Variants in AXIN1 observed in about 807,000 individuals in gnomAD.
The protein encoded by AXIN1 is axin 1.
Under a neutral mutation model 76.4 loss-of-function variants are expected in AXIN1, and 30 were observed. The ratio of observed to expected loss-of-function variants is 0.39; its 90% CI spans 0.29 to 0.53. The LOEUF (loss-of-function observed/expected upper bound fraction) is 0.53, where lower values mean the gene tolerates loss of function less well. AXIN1 is among the 20% of genes least tolerant of loss of function. The probability of loss-of-function intolerance (pLI) is 0.66; values close to 1 mark genes in which losing one functional copy is unlikely to be tolerated. For missense variants in AXIN1, 1,140 were observed against 1,198.8 expected (o/e 0.95, Z 0.72); for synonymous variants, 545 against 501.4 (o/e 1.09, Z -1.16).
At chr16:335,260 G>A (rs1034958841) in intron 2 of AXIN1, among the ~76,000 whole-genome samples, 1 of 152,168 alleles carries the variant, frequency 6.6e-6, no homozygotes, top group African/African-American at 2.4e-5. Context: ...CACTGCATGA[G>A]GGGCCCTCAC....
intron 2 of AXIN1, among the ~76,000 whole-genome samples, chr16:329,076 G>C (rs952921121): frequency 2.6e-5 from 4 of 152,018 alleles, no homozygotes; most frequent in African/African-American, 9.7e-5. Flanking sequence ...TCAGGAGTTC[G>C]AGACCAGCCT....
intron 5 of AXIN1, among the ~76,000 whole-genome samples, 167 bp from the exon 6 acceptor site, chr16:298,418 G>A (rs538666239): frequency 4.6e-5 from 7 of 152,382 alleles, no homozygotes; most frequent in South Asian, 2.1e-4. Context: ...GAGGCAGGAC[G>A]GGGCATAGAC....
At chr16:290,888 G>A (rs1346940284) in intron 9 of AXIN1, 2 of 489,330 alleles carry the variant, frequency 4.1e-6, no homozygotes, top group African/African-American at 3.9e-5. Flanking sequence ...GCAGGTCTCT[G>A]CCCCACAGGA....
Position 326,372 on chromosome 16 carries a change from A to AT in AXIN1, c.879-11690_879-11689insA, listed in dbSNP as rs1555483772. Among the ~76,000 whole-genome samples, 546 of 86,326 alleles carry AT rather than the reference A, an allele frequency of 6.3e-3. 2 individuals carry two copies. Among genetic ancestry groups the AT allele is most frequent in the East Asian group, 0.025 (70 of 2,780 alleles). The allele number at this position is 86,326 out of a possible 152,430, so 56.6% of individuals were successfully genotyped here. A position where few individuals can be genotyped will look rare whatever the true frequency, so the allele number is the denominator to read the frequency against. On this transcript the variant is annotated intron_variant, in intron 2 of 10. Transcript: ENST00000262320. ...TCCGTCTCAAAAAAAAAAAAAAAAA[A>AT]ATATATATATATATATATATATACA...
intron 2 of AXIN1, among the ~76,000 whole-genome samples, chr16:329,651 T>C (rs2053653397): frequency 6.6e-6 from 1 of 151,984 alleles, no homozygotes; most frequent in East Asian, 1.9e-4. Flanking sequence ...AGTCTCGCTA[T>C]GTCGCCCAGG....
intron 2 of AXIN1, among the ~76,000 whole-genome samples, chr16:334,962 T>A (rs1281875299): frequency 6.6e-6 from 1 of 152,166 alleles, no homozygotes; most frequent in Non-Finnish European, 1.5e-5. Context: ...AGATATTTAA[T>A]TTTTTTCTGC....
chr16:311,888 A>C (rs2053190436), intron 3 of AXIN1, among the ~76,000 whole-genome samples: 1 of 152,142 alleles, frequency 6.6e-6, no homozygotes, highest in South Asian at 2.1e-4. Flanking sequence ...GACTGAAGAG[A>C]GCGCCCGACC....
intron 4 of AXIN1, among the ~76,000 whole-genome samples, chr16:308,386 G>C (rs973961912): frequency 6.6e-6 from 1 of 152,232 alleles, no homozygotes; most frequent in Admixed American, 6.5e-5. Flanking sequence ...GAGGTTGTCT[G>C]CCTGATGCCC....
In AXIN1 at chr16:352,377, G is replaced by A; in HGVS notation, c.-90C>T. 5 of 979,170 alleles carry A rather than the reference G, an allele frequency of 5.1e-6. No homozygotes were observed. The highest frequency in any genetic ancestry group is 6.0e-6 in the Non-Finnish European group (5 of 827,500). The allele number at this position is 979,170 out of a possible 1,614,324, so 60.7% of individuals were successfully genotyped here. On this transcript the variant is annotated 5_prime_UTR_variant, in exon 1 of 11. Transcript: ENST00000262320. The stretch of plus-strand genomic sequence containing the variant: ...AGCCCGGCCCTACTCACCCGCGCGC[G>A]GTGGTGGCGGGACCCCGGGCCCGGC...
At chr16:317,194 C>G (rs973065322) in intron 2 of AXIN1, among the ~76,000 whole-genome samples, 1 of 152,188 alleles carries the variant, frequency 6.6e-6, no homozygotes, top group Non-Finnish European at 1.5e-5. Context: ...AGCCCAGCAC[C>G]TTGGACTCTG....
At chr16:311,648 G>A (rs1181184925) in intron 3 of AXIN1, among the ~76,000 whole-genome samples, 1 of 152,096 alleles carries the variant, frequency 6.6e-6, no homozygotes, top group African/African-American at 2.4e-5. Context: ...GCGAGTGCCT[G>A]TAGTCCCAGC....
In AXIN1 at chr16:293,412, C is replaced by T; in HGVS notation, c.2186+76G>A. On this transcript the variant is annotated intron_variant, in intron 8 of 10. Coordinates refer to ENST00000262320, the MANE Select transcript of AXIN1 (RefSeq NM_003502.4). This position sits in a 1 kb window ranked among gnomAD's most constrained non-coding sequence, Gnocchi z 4.6. ...CCGTTTTTCCCCTGAAGACCTCAGG[C>T]CTCGGGGAGCTTCAGCCCCAGGAGT... 1.4e-6 allele frequency: 2 copies of T among 1,460,892 alleles called. No individual in the cohort carries two copies. The highest frequency in any genetic ancestry group is 1.9e-6 in the Non-Finnish European group (2 of 1,063,562). 90.5% of individuals were successfully genotyped at this position (1,460,892 alleles called of 1,614,324 possible).
In AXIN1 at chr16:298,387, G is replaced by C. The variant is rs902448459; in HGVS notation, c.1255-136C>G. 10 of 1,079,820 alleles carry C rather than the reference G, an allele frequency of 9.3e-6. No individual in the cohort carries two copies. The Admixed American group carries it at 1.8e-4, about 19-fold the overall frequency. The allele number at this position is 1,079,820 out of a possible 1,614,324, so 66.9% of individuals were successfully genotyped here. A position where few individuals can be genotyped will look rare whatever the true frequency, so the allele number is the denominator to read the frequency against. ...GGGTGGCCGGGGGCCCCTCGCCACCGGTCCTGTCCCTGAGGATGGAGAGGC... is the reference window on the plus strand; with the variant it reads ...GGGTGGCCGGGGGCCCCTCGCCACCCGTCCTGTCCCTGAGGATGGAGAGGC... On this transcript the variant is annotated intron_variant, in intron 5 of 10. Transcript: ENST00000262320.
intron 2 of AXIN1, among the ~76,000 whole-genome samples, chr16:315,390 T>C (rs1437647540): frequency 6.6e-6 from 1 of 152,214 alleles, no homozygotes; most frequent in East Asian, 1.9e-4. Context: ...GGATTATGAG[T>C]TTCTTGGTGA....
intron 1 of AXIN1, among the ~76,000 whole-genome samples, chr16:349,509 C>A (rs756992550): frequency 3.9e-5 from 6 of 152,122 alleles, no homozygotes; most frequent in African/African-American, 1.4e-4. Context: ...ACCAAGTCAC[C>A]GGAGAGTGGA....
At chr16:340,021 C>T (rs1597109899) in intron 2 of AXIN1, among the ~76,000 whole-genome samples, 3 of 152,080 alleles carry the variant, frequency 2.0e-5, no homozygotes, top group East Asian at 3.8e-4. Flanking sequence ...ACATTTTGGG[C>T]CCTTTCTTTT....
rs1567254724 is a variant in AXIN1 at position 288,177 on chromosome 16, G to C, written c.2534C>G (p.Ala845Gly). ...VVFEEVREDE[A>G]VLPVFEEKII... is the part of the protein sequence containing the mutation. ...CTTCTCCTCAAAGACGGGCAGGACG[G>C]CCTCGTCCTCTCGAACCTCCTCAAA... The change falls in exon 11 of 11, where the codon GCC (alanine) becomes GGC (glycine). Residue 845 changes from alanine (A) to glycine (G), a missense_variant. By Grantham distance (60) the Ala-to-Gly change is moderately conservative. Coordinates refer to ENST00000262320, the MANE Select transcript of AXIN1 (RefSeq NM_003502.4). 6.2e-7 allele frequency: 1 copy of C among 1,613,710 alleles called. No individual in the cohort carries two copies. The highest frequency in any genetic ancestry group is 1.1e-5 in the South Asian group (1 of 91,088).
chr16:305,766 A>C (rs1055513732), intron 4 of AXIN1, among the ~76,000 whole-genome samples: 28 of 151,906 alleles, frequency 1.8e-4, no homozygotes, highest in Non-Finnish European at 3.1e-4. Context: ...GGATGGTCTC[A>C]ATCTCCTGAC....
At chr16:344,996 A>C (rs2054005402) in intron 2 of AXIN1, among the ~76,000 whole-genome samples, 1 of 152,210 alleles carries the variant, frequency 6.6e-6, no homozygotes, top group Non-Finnish European at 1.5e-5. Context: ...CATGAATTCC[A>C]GGCTTTCAAA....
Sources: gnomAD v4.1 joint callset for allele counts (sites outside exome capture counted in the v4.1 genomes callset) on GRCh38, gnomAD v4.1.1 for gene constraint, Gnocchi (gnomAD v3.1) non-coding constraint, MANE v1.5 for transcripts, NCBI Gene and HGNC (gene_info 2026-07-23, HGNC 2026-07-21) for gene names.